The following MBD5 variants were observed in gnomAD, a reference collection of about 807,000 sequenced individuals.
MBD5 encodes the protein methyl-CpG binding domain protein 5, also known as methyl-CpG-binding domain protein 5.
Under a neutral mutation model 117.3 loss-of-function variants are expected in MBD5, and 13 were observed. The ratio of observed to expected loss-of-function variants is 0.11; its 90% CI spans 0.07 to 0.18. The LOEUF (loss-of-function observed/expected upper bound fraction) is 0.18. Among genes scored for constraint, MBD5 ranks in the 10% least tolerant of loss-of-function variants. The pLI is 1.00. For missense variants in MBD5, 1,879 were observed against 2,093.8 expected (o/e 0.90, Z 2.00); for synonymous variants, 727 against 766.4 (o/e 0.95, Z 0.85).
rs534879174 is a variant in MBD5, at chr2:148,364,691, C to T, written c.-557+22355C>T. 1.4e-4 allele frequency among the ~76,000 whole-genome samples: 22 copies of T among 152,162 alleles called. No individual in the cohort carries two copies. In the South Asian group the frequency reaches 4.6e-3, roughly 32 times the overall value. On this transcript the variant is annotated intron_variant, in intron 4 of 13. Transcript: ENST00000642680. ...AGCAATAAAAAGCAGGGGTTGCAAT[C>T]CTAGTCTCTGGTAAAAGAGGGTTTA...
intron 4 of MBD5, among the ~76,000 whole-genome samples, chr2:148,412,993 T>C (rs1204617849): frequency 6.6e-6 from 1 of 152,120 alleles, no homozygotes; most frequent in Non-Finnish European, 1.5e-5. Flanking sequence ...TCCAGTACTG[T>C]GATCAATAGG....
intron 4 of MBD5, chr2:148,346,849 G>T (rs1415321868): frequency 6.7e-6 from 1 of 149,706 alleles, no homozygotes; most frequent in Non-Finnish European, 1.5e-5. Flanking sequence ...CATGGCTTTT[G>T]GGTTTTGATG....
At chr2:148,419,406 T>G (rs924213657) in intron 4 of MBD5, among the ~76,000 whole-genome samples, 3 of 152,170 alleles carry the variant, frequency 2.0e-5, no homozygotes, top group African/African-American at 7.2e-5. Context: ...GCACATATAT[T>G]TTACTTTGGT....
intron 1 of MBD5, among the ~76,000 whole-genome samples, chr2:148,154,899 G>A (rs549394785): frequency 1.2e-4 from 19 of 152,234 alleles, no homozygotes; most frequent in African/African-American, 3.9e-4. Context: ...CTTCTGCGTC[G>A]CTCACGCTGG....
At chr2:148,383,851 G>T (rs965498825) in intron 4 of MBD5, among the ~76,000 whole-genome samples, 2 of 152,060 alleles carry the variant, frequency 1.3e-5, no homozygotes, top group African/African-American at 4.8e-5. Flanking sequence ...CAGAACCAAA[G>T]ACAAAAACCA....
intron 1 of MBD5, among the ~76,000 whole-genome samples, chr2:148,113,827 AAG>A (rs1182135053): frequency 3.3e-5 from 5 of 152,234 alleles, no homozygotes; most frequent in Non-Finnish European, 7.3e-5. Context: ...ATAGAAGAAA[AAG>A]AGGAAATAAA....
At position 148,395,426 on chromosome 2, in the gene MBD5, C is replaced by CTTT. The variant is rs397758785; in HGVS notation, c.-557+53106_-557+53108dup. 1.9e-4 allele frequency among the ~76,000 whole-genome samples: 23 copies of CTTT among 123,954 alleles called. 1 individual carries two copies. Among genetic ancestry groups the CTTT allele is most frequent in the South Asian group, 5.3e-4 (2 of 3,744 alleles). The allele number at this position is 123,954 out of a possible 152,430, so 81.3% of individuals were successfully genotyped here. On this transcript the variant is annotated intron_variant, in intron 4 of 13. Transcript: ENST00000642680. ...AAGAGAATCCATTGGCCCAACTCAT[C>CTTT]TTTTTTTTTTTTTTTTTTCACAGAG... is the stretch of plus-strand genomic sequence containing the variant.
chr2:148,391,305 A>G (rs534861751), intron 4 of MBD5, among the ~76,000 whole-genome samples: 1 of 152,182 alleles, frequency 6.6e-6, no homozygotes, highest in African/African-American at 2.4e-5. Context: ...AGCTAAATAT[A>G]GTTTTATCAT....
intron 1 of MBD5, among the ~76,000 whole-genome samples, chr2:148,102,719 CACACACACACAG>C (rs1456527931): frequency 3.9e-4 from 34 of 86,690 alleles, no homozygotes; most frequent in African/African-American, 1.2e-3. Context: ...CACACACACA[CACACACACACAG>C]AGAGAGAGAG....
chr2:148,468,548 G>C lies in MBD5; in HGVS notation c.605G>C (p.Arg202Thr). 1 of 1,613,942 alleles carries C rather than the reference G, an allele frequency of 6.2e-7. No individual in the cohort carries two copies. The change falls in exon 8 of 14, where the codon AGA (arginine) becomes ACA (threonine). Residue 202 changes from arginine to threonine, a missense_variant. Arg to Thr is a moderately conservative substitution (Grantham distance 71). Around this residue, in one of 4 missense-constraint regions of MBD5, gnomAD observed 1,666 missense variants for 1,792.2 expected, o/e 0.93. Coordinates refer to ENST00000642680, the MANE Select transcript of MBD5 (RefSeq NM_001378120.1). ...QELHPVYPRQRLGSSEHGQKS... is the reference protein window; with the variant it reads ...QELHPVYPRQTLGSSEHGQKS... ...CTCCACCCTGTCTACCCCCGACAGA[G>C]ATTGGGCAGCAGTGAACATGGACAG...
At chr2:148,462,900 T>C (rs986797640) in intron 6 of MBD5, among the ~76,000 whole-genome samples, 1 of 152,312 alleles carries the variant, frequency 6.6e-6, no homozygotes, top group South Asian at 2.1e-4. Context: ...CAAATCTATA[T>C]TCATATTAAA....
At chr2:148,425,407 C>CA (rs1249992818) in intron 4 of MBD5, among the ~76,000 whole-genome samples, 1 of 152,018 alleles carries the variant, frequency 6.6e-6, no homozygotes, top group Non-Finnish European at 1.5e-5. Flanking sequence ...GCCTACCAAC[C>CA]AAAAAAAGTC....
At chr2:148,079,408 T>C (rs536279270) in intron 1 of MBD5, among the ~76,000 whole-genome samples, 36 of 152,232 alleles carry the variant, frequency 2.4e-4, no homozygotes, top group African/African-American at 8.7e-4. Context: ...TAATACAAAC[T>C]AGAGAAAGTG....
intron 4 of MBD5, among the ~76,000 whole-genome samples, chr2:148,356,576 A>G (rs780961130): frequency 7.2e-5 from 11 of 152,172 alleles, no homozygotes; most frequent in Non-Finnish European, 1.2e-4. Context: ...CTAAATAAGT[A>G]TTAATTTAAT....
intron 1 of MBD5, chr2:148,028,151 A>G (rs1226537636): frequency 6.6e-6 from 1 of 152,132 alleles, no homozygotes; most frequent in African/African-American, 2.4e-5. Flanking sequence ...CAGTTGACCT[A>G]TATAACCTTT....
chr2:148,108,429 T>G (rs185716906), intron 1 of MBD5, among the ~76,000 whole-genome samples: 141 of 152,196 alleles, frequency 9.3e-4, no homozygotes, highest in African/African-American at 3.2e-3. Flanking sequence ...CTACTGTTAT[T>G]ATGATCAATG....
At chr2:148,462,041 G>T (rs765848549) in intron 5 of MBD5, among the ~76,000 whole-genome samples, 8 of 152,092 alleles carry the variant, frequency 5.3e-5, no homozygotes, top group Non-Finnish European at 1.0e-4. Context: ...AGAAACACAT[G>T]GGTAAGGGGG....
At chr2:148,346,638 A>T (rs1703130186) in intron 4 of MBD5, 1 of 151,904 alleles carries the variant, frequency 6.6e-6, no homozygotes, top group Non-Finnish European at 1.5e-5. Flanking sequence ...TGTCCCATTC[A>T]TGAGCCATGC....
chr2:148,290,110 C>T (rs939021244), intron 3 of MBD5, among the ~76,000 whole-genome samples: 4 of 149,924 alleles, frequency 2.7e-5, no homozygotes, highest in Non-Finnish European at 4.4e-5. Flanking sequence ...TGCCCACCAC[C>T]ACGCCCAGCT....
Sources: gnomAD v4.1 joint callset for allele counts (sites outside exome capture counted in the v4.1 genomes callset) on GRCh38, gnomAD v4.1.1 for gene constraint, gnomAD v4.1.1 regional missense constraint, MANE v1.5 for transcripts, NCBI Gene and HGNC (gene_info 2026-07-23, HGNC 2026-07-21) for gene names.